Variants in DIS3L2 observed in about 807,000 individuals in gnomAD.
DIS3L2 encodes the protein DIS3-like exonuclease 2.
Under a neutral mutation model 97.5 loss-of-function variants are expected in DIS3L2, and 34 were observed. The ratio of observed to expected loss-of-function variants is 0.35; its 90% CI spans 0.27 to 0.46. DIS3L2 has a LOEUF of 0.46. Ranked by LOEUF, DIS3L2 falls within the 20% of genes least tolerant of loss-of-function variation. The probability of loss-of-function intolerance (pLI) is 1.00; values close to 1 mark genes in which losing one functional copy is unlikely to be tolerated. For synonymous variants in DIS3L2, 435 were observed against 445.2 expected, an observed-to-expected ratio of 0.98 and a Z score of 0.29; for missense variants, 1,038 against 1,146.0, an observed-to-expected ratio of 0.91 and a Z score of 1.36.
At chr2:232,176,628 G>A (rs960562140) in intron 9 of DIS3L2, among the ~76,000 whole-genome samples, 7 of 151,106 alleles carry the variant, frequency 4.6e-5, no homozygotes, top group Non-Finnish European at 8.9e-5. Flanking sequence ...TCACTCTGTC[G>A]CCCAGGCTGG....
chr2:232,027,425 CT>C (rs994026133), intron 4 of DIS3L2, among the ~76,000 whole-genome samples: 1 of 152,128 alleles, frequency 6.6e-6, no homozygotes, highest in Non-Finnish European at 1.5e-5. Context: ...AAAGATGAGG[CT>C]TTTGCTCTGA....
intron 10 of DIS3L2, among the ~76,000 whole-genome samples, chr2:232,233,244 C>A (rs1328177080): frequency 6.6e-6 from 1 of 152,226 alleles, no homozygotes; most frequent in Non-Finnish European, 1.5e-5. Context: ...TTATTCCTCA[C>A]AGTCCTTGAG....
chr2:232,210,954 G>A (rs2106218715), intron 10 of DIS3L2, among the ~76,000 whole-genome samples: 1 of 151,972 alleles, frequency 6.6e-6, no homozygotes, highest in Admixed American at 6.5e-5. Flanking sequence ...AAACTGATAA[G>A]GGCTCTTTAA....
At chr2:232,329,786 C>CCCGGGGGCA in intron 14 of DIS3L2, 27 bp from the exon 15 acceptor site, 1 of 430,238 alleles carries the variant, frequency 2.3e-6, no homozygotes, top group Non-Finnish European at 4.2e-6. Context: ...CCCCAGCGGT[C>CCCGGGGGCA]CCTCCCATCC....
intron 12 of DIS3L2, among the ~76,000 whole-genome samples, chr2:232,258,001 T>C (rs941341301): frequency 1.3e-5 from 2 of 152,210 alleles, no homozygotes; most frequent in Non-Finnish European, 2.9e-5. Context: ...TAAAATGGGC[T>C]GAACAATGCA....
intron 13 of DIS3L2, among the ~76,000 whole-genome samples, chr2:232,270,883 TCTCTCTCTC>T (rs1559185207): frequency 6.8e-6 from 1 of 147,274 alleles, no homozygotes; most frequent in Non-Finnish European, 1.5e-5. Flanking sequence ...TCTCTCTCTC[TCTCTCTCTC>T]TCTCTCTCTC....
chr2:232,042,534 T>A (rs1359538878), intron 5 of DIS3L2, among the ~76,000 whole-genome samples: 3 of 152,110 alleles, frequency 2.0e-5, no homozygotes, highest in Non-Finnish European at 2.9e-5. Flanking sequence ...GTATGGTAGG[T>A]AAGGTATATC....
At chr2:232,343,310 GCCT>G in intron 13 of DIS3L2, 1 of 1,536,814 alleles carries the variant, frequency 6.5e-7, no homozygotes, top group Non-Finnish European at 8.8e-7. Context: ...ATGAAACCGC[GCCT>G]CCTCATCCAG....
intron 16 of DIS3L2, 77 bp from the exon 17 acceptor site, chr2:232,333,763 C>CAAT: frequency 1.5e-5 from 21 of 1,448,112 alleles, no homozygotes; most frequent in Admixed American, 9.4e-5. Context: ...GACGGTGAGG[C>CAAT]TGTGGGTGGT....
At position 232,012,058 on chromosome 2, in the gene DIS3L2, G is replaced by A. The variant is rs751577034; in HGVS notation, c.-93-2777G>A. On this transcript the variant is annotated intron_variant, in intron 1 of 20. Coordinates refer to ENST00000325385, the MANE Select transcript of DIS3L2 (RefSeq NM_152383.5). ...CCTTTACTGCCTGCCTAGCTGTCCA[G>A]CTTATTCTTGCCAATTTTGTTTTCT... Among the ~76,000 whole-genome samples, 8 of 152,172 alleles carry A rather than the reference G, an allele frequency of 5.3e-5. No homozygotes were observed. The East Asian group carries it at 1.5e-3, about 29-fold the overall frequency.
At chr2:231,962,285 T>A (rs898716487) in intron 1 of DIS3L2, among the ~76,000 whole-genome samples, 6 of 151,552 alleles carry the variant, frequency 4.0e-5, no homozygotes, top group Admixed American at 6.6e-5. Flanking sequence ...TTTTTTTTTT[T>A]AATAAACTTT....
chr2:232,247,643 G>GGGGGA (rs1693298399), intron 11 of DIS3L2, among the ~76,000 whole-genome samples: 1 of 53,836 alleles, frequency 1.9e-5, no homozygotes, highest in Non-Finnish European at 4.2e-5. Flanking sequence ...GGGCGGGGGG[G>GGGGGA]AGGGTGCCAA....
chr2:232,024,202 A>T, intron 3 of DIS3L2, 75 bp from the exon 4 acceptor site: 1 of 1,112,782 alleles, frequency 9.0e-7, no homozygotes, highest in Non-Finnish European at 1.3e-6. Context: ...AAAACTTTTT[A>T]TTGGAGAATA....
intron 8 of DIS3L2, among the ~76,000 whole-genome samples, chr2:232,162,296 G>A (rs72990479): frequency 0.012 from 1,815 of 152,292 alleles, 17 homozygotes; most frequent in Non-Finnish European, 0.018. Flanking sequence ...GCAGGCTGCC[G>A]AGATCATAGG....
chr2:232,210,013 C>T (rs1272403149), intron 9 of DIS3L2, among the ~76,000 whole-genome samples: 1 of 152,056 alleles, frequency 6.6e-6, no homozygotes, highest in Non-Finnish European at 1.5e-5. Flanking sequence ...AGTAACTTGC[C>T]CCTCTTGTTG....
chr2:232,176,565 T>C (rs1203159548), intron 9 of DIS3L2, among the ~76,000 whole-genome samples: 2 of 151,564 alleles, frequency 1.3e-5, no homozygotes, highest in African/African-American at 4.8e-5. Flanking sequence ...TTTATGTTAT[T>C]GAGTTCAGAT....
chr2:232,041,024 A>G (rs1356137545), intron 5 of DIS3L2, among the ~76,000 whole-genome samples: 1 of 152,246 alleles, frequency 6.6e-6, no homozygotes, highest in African/African-American at 2.4e-5. Flanking sequence ...CAAGGTGACT[A>G]TCAGTTGACA....
At chr2:232,238,411 T>A in intron 10 of DIS3L2, 122 bp from the exon 11 acceptor site, 1 of 709,000 alleles carries the variant, frequency 1.4e-6, no homozygotes, top group Non-Finnish European at 2.4e-6. Flanking sequence ...CAAGACTAGA[T>A]GTGTCACCTA....
intron 16 of DIS3L2, 24 bp from the exon 17 acceptor site, chr2:232,333,816 G>T: frequency 1.3e-6 from 2 of 1,598,310 alleles, no homozygotes; most frequent in Non-Finnish European, 1.7e-6. Context: ...GGCTTGTCAG[G>T]CTCTGACCCA....
Sources: gnomAD v4.1 joint callset for allele counts (sites outside exome capture counted in the v4.1 genomes callset) on GRCh38, gnomAD v4.1.1 for gene constraint, MANE v1.5 for transcripts, NCBI Gene and HGNC (gene_info 2026-07-23, HGNC 2026-07-21) for gene names.